PDE10A: variants seen among roughly 807,000 people sequenced by gnomAD.
PDE10A encodes the protein cAMP and cAMP-inhibited cGMP 3',5'-cyclic phosphodiesterase 10A.
Under a neutral mutation model 97.7 loss-of-function variants are expected in PDE10A, and 39 were observed. The observed-to-expected ratio is 0.40, with a 90% confidence interval of 0.31 to 0.52. The LOEUF is 0.52. Among genes scored for constraint, PDE10A ranks in the 20% least tolerant of loss-of-function variants. PDE10A has a pLI of 0.56. For synonymous variants in PDE10A, 371 were observed against 376.8 expected (o/e 0.98, Z 0.18); for missense variants, 731 against 1,047.8 (o/e 0.70, Z 4.17).
intron 1 of PDE10A, among the ~76,000 whole-genome samples, chr6:165,900,574 C>T (rs988309228): frequency 6.6e-6 from 1 of 152,298 alleles, no homozygotes; most frequent in African/African-American, 2.4e-5. Context: ...CTCTCTTTCT[C>T]TGTCTCTCTG....
At chr6:165,817,959 A>G (rs1779465364) in intron 1 of PDE10A, among the ~76,000 whole-genome samples, 1 of 152,160 alleles carries the variant, frequency 6.6e-6, no homozygotes, top group African/African-American at 2.4e-5. Context: ...AACATGTCCC[A>G]CCTGTTGATC....
At chr6:165,619,884 T>C (rs73786674) in intron 1 of PDE10A, among the ~76,000 whole-genome samples, 1,717 of 152,150 alleles carry the variant, frequency 0.011, 31 homozygotes, top group African/African-American at 0.039. Context: ...CTGCCATTTA[T>C]AATGGCTACA....
At chr6:165,413,411 G>GAA (rs11296579) in intron 13 of PDE10A, 90 bp downstream of exon 13, 117,536 of 371,728 alleles carry the variant, frequency 0.32, 5,788 homozygotes, top group African/African-American at 0.39. Context: ...AAATATAAAT[G>GAA]AAAAAAAAAA....
At chr6:165,490,102 G>T (rs1780142123) in intron 2 of PDE10A, among the ~76,000 whole-genome samples, 1 of 152,206 alleles carries the variant, frequency 6.6e-6, no homozygotes, top group African/African-American at 2.4e-5. Flanking sequence ...GAACACCTGA[G>T]ACATTCATTG....
In PDE10A at chr6:165,541,314, G is replaced by GA. The variant is rs199857068; in HGVS notation, c.994+2125dup. The stretch of plus-strand genomic sequence containing the variant: ...TCAAATAAAAAACATCTCCTTATAA[G>GA]AAAAAAAAAAAGTTAAGTGAGGAGG... On this transcript the variant is annotated intron_variant, in intron 2 of 21. Coordinates refer to ENST00000539869, the MANE Select transcript of PDE10A (RefSeq NM_001385079.1). Among the ~76,000 whole-genome samples the GA allele has an allele frequency of 6.1e-4, 88 of 144,504 alleles. 1 individual carries two copies. Among genetic ancestry groups the GA allele is most frequent in the South Asian group, 1.3e-3 (6 of 4,620 alleles). 94.8% of individuals were successfully genotyped at this position (144,504 alleles called of 152,430 possible).
chr6:165,725,845 G>A (rs1792280673), intron 1 of PDE10A, among the ~76,000 whole-genome samples: 1 of 152,090 alleles, frequency 6.6e-6, no homozygotes, highest in Middle Eastern at 3.2e-3. Flanking sequence ...TGTCCTCCCA[G>A]CTCCATGCCA....
At chr6:165,446,677 C>CT (rs1790870485) in intron 5 of PDE10A, among the ~76,000 whole-genome samples, 1 of 152,128 alleles carries the variant, frequency 6.6e-6, no homozygotes, top group Non-Finnish European at 1.5e-5. Flanking sequence ...ATGAAGGAGA[C>CT]TTATATAATG....
chr6:165,751,082 A>G lies in PDE10A; in HGVS notation c.-614-207514T>C, dbSNP rs1792988513. The stretch of plus-strand genomic sequence containing the variant: ...GTGCTGTCTCCTGGGGGAGAGAAGA[A>G]GGGAGCCATGGCCTCAGTGGGTGCC... On this transcript the variant is annotated intron_variant, in intron 1 of 19. Coordinates refer to the PDE10A transcript ENST00000366882. 2.6e-5 allele frequency among the ~76,000 whole-genome samples: 4 copies of G among 152,300 alleles called. No individual in the cohort carries two copies. In the South Asian group the frequency reaches 8.3e-4, roughly 32 times the overall value.
At chr6:165,870,251 A>T (rs1294832172) in intron 1 of PDE10A, among the ~76,000 whole-genome samples, 10 of 152,198 alleles carry the variant, frequency 6.6e-5, no homozygotes, top group Non-Finnish European at 1.3e-4. Flanking sequence ...ACAACTTAAC[A>T]GCAAGTAAAA....
chr6:165,733,161 C>T (rs1792482280), intron 1 of PDE10A, among the ~76,000 whole-genome samples: 1 of 152,240 alleles, frequency 6.6e-6, no homozygotes, highest in Admixed American at 6.5e-5. Flanking sequence ...TCCTAGTAAC[C>T]CTGTCCTCAG....
intron 13 of PDE10A, among the ~76,000 whole-genome samples, chr6:165,396,987 G>C (rs576177): frequency 6.6e-6 from 1 of 151,918 alleles, no homozygotes; most frequent in Admixed American, 6.6e-5. Context: ...CTGAATTTGG[G>C]GTGTTATTGG....
At chr6:165,743,711 T>C (rs1003839947) in intron 1 of PDE10A, among the ~76,000 whole-genome samples, 12 of 152,212 alleles carry the variant, frequency 7.9e-5, no homozygotes, top group African/African-American at 2.9e-4. Context: ...TGACATAGAT[T>C]CATGTACTGC....
intron 1 of PDE10A, among the ~76,000 whole-genome samples, chr6:165,959,897 C>G (rs1165398846): frequency 6.6e-6 from 1 of 152,136 alleles, no homozygotes; most frequent in African/African-American, 2.4e-5. Flanking sequence ...CCACTGGAAC[C>G]AATGAGGGGA....
At chr6:165,983,351 A>G (rs530881330) in intron 1 of PDE10A, among the ~76,000 whole-genome samples, 1 of 152,322 alleles carries the variant, frequency 6.6e-6, no homozygotes, top group South Asian at 2.1e-4. Context: ...GTATCAGCAC[A>G]GGACCTGAAA....
intron 20 of PDE10A, among the ~76,000 whole-genome samples, chr6:165,338,543 TA>T (rs1240070050): frequency 6.6e-6 from 1 of 152,156 alleles, no homozygotes; most frequent in Non-Finnish European, 1.5e-5. Flanking sequence ...AGAGGATAAT[TA>T]ATGTCAATTT....
intron 1 of PDE10A, chr6:165,781,616 G>C (rs1025941593): frequency 5.9e-5 from 9 of 152,300 alleles, no homozygotes; most frequent in African/African-American, 1.9e-4. Flanking sequence ...GGGATCTAGA[G>C]ATGGGAGGCT....
chr6:165,763,188 T>A (rs1488558496), intron 1 of PDE10A, among the ~76,000 whole-genome samples: 1 of 152,160 alleles, frequency 6.6e-6, no homozygotes, highest in Non-Finnish European at 1.5e-5. Flanking sequence ...CTGCCCTCAT[T>A]TGTATCATGT....
chr6:165,736,652 G>T (rs1247025550), intron 1 of PDE10A, among the ~76,000 whole-genome samples: 1 of 152,180 alleles, frequency 6.6e-6, no homozygotes, highest in African/African-American at 2.4e-5. Context: ...GACTCAGCAA[G>T]AGCATTCCTA....
chr6:165,455,345 G>T (rs1295311092), intron 3 of PDE10A, among the ~76,000 whole-genome samples: 1 of 152,082 alleles, frequency 6.6e-6, no homozygotes, highest in Non-Finnish European at 1.5e-5. Flanking sequence ...TCTGGTGACT[G>T]CAGTTTGGGA....
Sources: gnomAD v4.1 joint callset for allele counts (sites outside exome capture counted in the v4.1 genomes callset) on GRCh38, gnomAD v4.1.1 for gene constraint, MANE v1.5 for transcripts, NCBI Gene and HGNC (gene_info 2026-07-23, HGNC 2026-07-21) for gene names.